The following UGT2A2 variants were observed in gnomAD, a reference collection of about 807,000 sequenced individuals.
The protein encoded by UGT2A2 is UDP-glucuronosyltransferase 2A2.
In UGT2A2, 60 loss-of-function variants were observed where a neutral mutation model predicts 50.7. That is an observed-to-expected ratio of 1.18 (90% CI 0.96 to 1.47). The LOEUF is 1.47. Ranked by LOEUF, UGT2A2 falls within the 40% of genes most tolerant of loss-of-function variation. The pLI, the probability that UGT2A2 is intolerant of heterozygous loss-of-function variation, is 0.00. For synonymous variants in UGT2A2, 242 were observed against 214.6 expected (o/e 1.13, Z -1.11); for missense variants, 762 against 634.0 (o/e 1.20, Z -2.17).
chr4:69,638,218 A>G (rs1721827598), intron 1 of UGT2A2, among the ~76,000 whole-genome samples: 1 of 152,166 alleles, frequency 6.6e-6, no homozygotes, highest in African/African-American at 2.4e-5. Flanking sequence ...AATCATCAAG[A>G]GAGAAGGAAA....
intron 1 of UGT2A2, among the ~76,000 whole-genome samples, chr4:69,621,534 CA>C (rs951152605): frequency 7.2e-5 from 11 of 151,730 alleles, no homozygotes; most frequent in Non-Finnish European, 1.0e-4. Flanking sequence ...GAAAAGGAAA[CA>C]GCTATAAATG....
chr4:69,637,172 A>G (rs1721758544), intron 1 of UGT2A2, among the ~76,000 whole-genome samples: 2 of 152,170 alleles, frequency 1.3e-5, no homozygotes, highest in South Asian at 2.1e-4. Context: ...AAAAGAAACT[A>G]CGGTTAAATT....
intron 1 of UGT2A2, among the ~76,000 whole-genome samples, chr4:69,637,997 C>CAGGAAGGA (rs200856756): frequency 7.5e-6 from 1 of 132,986 alleles, no homozygotes; most frequent in African/African-American, 2.8e-5. Flanking sequence ...GGAAGGCAGG[C>CAGGAAGGA]AGGAAGGAAG....
chr4:69,601,746 A>AGCTGGTG (rs376517060), intron 1 of UGT2A2, among the ~76,000 whole-genome samples: 5 of 139,816 alleles, frequency 3.6e-5, no homozygotes, highest in Admixed American at 1.4e-4. Flanking sequence ...GCTGGTATCC[A>AGCTGGTG]CTGATGGGAG....
chr4:69,630,059 A>G (rs1721299648), intron 1 of UGT2A2, among the ~76,000 whole-genome samples: 1 of 152,096 alleles, frequency 6.6e-6, no homozygotes. Flanking sequence ...TTTAAACGTG[A>G]CTTTAAATTA....
chr4:69,611,730 G>T (rs1720072639), intron 1 of UGT2A2, among the ~76,000 whole-genome samples: 1 of 151,964 alleles, frequency 6.6e-6, no homozygotes. Context: ...ATAAAAATCA[G>T]CACACTGCCA....
chr4:69,599,391 C>T lies in UGT2A2; in HGVS notation c.746G>A (p.Arg249Lys), dbSNP rs745868495. Residue 249 changes from arginine to lysine, a missense_variant, in exon 2 of 6, where the codon AGA (arginine) becomes AAA (lysine). Transcript: ENST00000604629. ...CATAGTCTCACATAACGTAGTGGGT[C>T]TTCCTGGAGAAAATGTAACAAGTTG... ...WNSYYSKILG[R>K]PTTLCETMGK... 6.2e-7 allele frequency: 1 copy of T among 1,612,170 alleles called. No individual in the cohort carries two copies. Among genetic ancestry groups the T allele is most frequent in the South Asian group, 1.1e-5 (1 of 90,722 alleles).
intron 1 of UGT2A2, among the ~76,000 whole-genome samples, chr4:69,613,396 A>G (rs1433277950): frequency 6.6e-6 from 1 of 151,996 alleles, no homozygotes; most frequent in African/African-American, 2.4e-5. Flanking sequence ...GTTGAATTCT[A>G]CCAAACATTT....
chr4:69,622,384 GA>G (rs973550559), intron 1 of UGT2A2, among the ~76,000 whole-genome samples: 2 of 151,374 alleles, frequency 1.3e-5, no homozygotes, highest in African/African-American at 4.8e-5. Flanking sequence ...TGAGAAATGG[GA>G]AAAAATACGA....
At chr4:69,592,414 T>C (rs777931488) in intron 5 of UGT2A2, among the ~76,000 whole-genome samples, 15 of 151,996 alleles carry the variant, frequency 9.9e-5, no homozygotes, top group Non-Finnish European at 1.8e-4. Context: ...AAAATGCATT[T>C]AGGTATTGCA....
rs748662922 is a variant in UGT2A2 at position 69,589,660 on chromosome 4, CAAAT to C, written c.1332-13_1332-10del. The C allele has an allele frequency of 1.4e-5, 22 of 1,582,248 alleles. No homozygotes were observed. The highest frequency in any genetic ancestry group is 1.2e-4 in the African/African-American group (9 of 73,824). The stretch of plus-strand genomic sequence containing the variant: ...TAGCATTCTCTTTATAACTAGAAGA[CAAAT>C]AAATAGGCAGAAATTAGACAATTTT... On this transcript the variant is annotated splice_polypyrimidine_tract_variant and intron_variant, in intron 5 of 5. Transcript: ENST00000604629.
At chr4:69,610,751 C>T (rs950389758) in intron 1 of UGT2A2, among the ~76,000 whole-genome samples, 1 of 152,048 alleles carries the variant, frequency 6.6e-6, no homozygotes, top group Non-Finnish European at 1.5e-5. Flanking sequence ...AAGATGGTGG[C>T]CATAAAAACT....
rs757348415 is a variant in UGT2A2 at position 69,639,106 on chromosome 4, T to G, written c.535A>C (p.Thr179Pro). Residue 179 changes from threonine (T) to proline (P), a missense_variant, in exon 1 of 6, where the codon ACA (threonine) becomes CCA (proline). Coordinates refer to ENST00000604629, the MANE Select transcript of UGT2A2 (RefSeq NM_001105677.2). ...GTTGATGCTGGAGAGAACCTCAATG[T>G]GTACATAAATGGAATTCCTAATTTC... is the stretch of plus-strand genomic sequence containing the variant. The part of the protein sequence containing the change: ...ALKLGIPFMY[T>P]LRFSPASTVE... 1.9e-6 allele frequency: 3 copies of G among 1,613,562 alleles called. No homozygotes were observed. In the East Asian group the frequency reaches 6.7e-5, roughly 36 times the overall value.
rs1276078398 is a variant in UGT2A2 at position 69,605,162 on chromosome 4, T to C, written c.743-5768A>G. On this transcript the variant is annotated intron_variant, in intron 1 of 5. Coordinates refer to ENST00000604629, the MANE Select transcript of UGT2A2 (RefSeq NM_001105677.2). The stretch of plus-strand genomic sequence containing the variant: ...CGCACTTATTCCAAAATTGACCACA[T>C]AGTTGGAAGTAAAGCACTCCTCAGC... Among the ~76,000 whole-genome samples, 2 of 136,572 alleles carry C rather than the reference T, an allele frequency of 1.5e-5. 1 individual carries two copies. Among genetic ancestry groups the C allele is most frequent in the African/African-American group, 5.9e-5 (2 of 33,642 alleles). The allele number at this position is 136,572 out of a possible 152,430, so 89.6% of individuals were successfully genotyped here.
At chr4:69,634,293 C>T (rs184201628) in intron 1 of UGT2A2, among the ~76,000 whole-genome samples, 86 of 151,848 alleles carry the variant, frequency 5.7e-4, no homozygotes, top group African/African-American at 2.0e-3. Context: ...ACAACAAAAA[C>T]CCACAACACT....
At chr4:69,612,680 A>G (rs1195300275) in intron 1 of UGT2A2, among the ~76,000 whole-genome samples, 1 of 152,054 alleles carries the variant, frequency 6.6e-6, no homozygotes, top group African/African-American at 2.4e-5. Flanking sequence ...AGCCATATGC[A>G]GAAGAAAGAA....
chr4:69,639,603 A>G lies in UGT2A2; in HGVS notation c.38T>C (p.Phe13Ser), dbSNP rs1456344405. 1 of 1,606,016 alleles carries G rather than the reference A, an allele frequency of 6.2e-7. No homozygotes were observed. The highest frequency in any genetic ancestry group is 1.1e-5 in the South Asian group (1 of 89,470). Residue 13 changes from phenylalanine to serine, a missense_variant, in exon 1 of 6, where the codon TTT becomes TCT. Phe to Ser is a radical substitution (Grantham distance 155). Transcript: ENST00000604629. ...SIRDFTMPKKFVQMLVFNLTL... is the reference protein window; with the variant it reads ...SIRDFTMPKKSVQMLVFNLTL... ...CAAATTAAAAACCAGCATCTGGACA[A>G]ACTTCTTAGGCATGGTAAAATCCCT...
At chr4:69,599,105 C>T in intron 2 of UGT2A2, 141 bp downstream of exon 2, 3 of 1,270,554 alleles carry the variant, frequency 2.4e-6, no homozygotes, top group South Asian at 3.7e-5. Flanking sequence ...TGTAGGAGAC[C>T]TCTATCACAA....
rs988279160 is a variant in UGT2A2, at chr4:69,602,499, C to T, written c.743-3105G>A. Among the ~76,000 whole-genome samples the T allele has an allele frequency of 5.9e-5, 8 of 135,752 alleles. 1 individual carries two copies. The highest frequency in any genetic ancestry group is 2.1e-4 in the African/African-American group (7 of 33,270). The allele number at this position is 135,752 out of a possible 152,430, so 89.1% of individuals were successfully genotyped here. A position where few individuals can be genotyped will look rare whatever the true frequency, so the allele number is the denominator to read the frequency against. ...TCTATCTATCTATCTATCTATCTAT[C>T]TATCTATCTGATATCATGTTATGTA... On this transcript the variant is annotated intron_variant, in intron 1 of 5. Transcript: ENST00000604629.
Sources: gnomAD v4.1 joint callset for allele counts (sites outside exome capture counted in the v4.1 genomes callset) on GRCh38, gnomAD v4.1.1 for gene constraint, MANE v1.5 for transcripts, NCBI Gene and HGNC (gene_info 2026-07-23, HGNC 2026-07-21) for gene names.